FRAS1: variants seen among roughly 807,000 people sequenced by gnomAD.
FRAS1 encodes the protein extracellular matrix organizing protein FRAS1.
In FRAS1, 290 loss-of-function variants were observed where a neutral mutation model predicts 435.2. That is an observed-to-expected ratio of 0.67 (90% confidence interval 0.61 to 0.73). The LOEUF (loss-of-function observed/expected upper bound fraction) is 0.73. Among genes scored for constraint, FRAS1 ranks in the 30% least tolerant of loss-of-function variants. The pLI, the probability that FRAS1 is intolerant of heterozygous loss-of-function variation, is 0.00. For missense variants in FRAS1, 4,860 were observed against 5,001.5 expected, an observed-to-expected ratio of 0.97 and a Z score of 0.85; for synonymous variants, 1,800 against 1,851.0, an observed-to-expected ratio of 0.97 and a Z score of 0.71.
At chr4:78,218,639 T>C (rs1263882711) in intron 2 of FRAS1, among the ~76,000 whole-genome samples, 1 of 152,210 alleles carries the variant, frequency 6.6e-6, no homozygotes, top group African/African-American at 2.4e-5. Context: ...ATTCTGGCCC[T>C]ACTCTTGAGA....
chr4:78,490,744 C>T (rs1218458411), intron 59 of FRAS1, among the ~76,000 whole-genome samples: 2 of 151,950 alleles, frequency 1.3e-5, no homozygotes, highest in Non-Finnish European at 2.9e-5. Flanking sequence ...ATTAAAAGAA[C>T]TAGAGAAGCA....
chr4:78,097,379 A>G (rs1287480363), intron 2 of FRAS1, among the ~76,000 whole-genome samples: 1 of 152,188 alleles, frequency 6.6e-6, no homozygotes, highest in Admixed American at 6.5e-5. Flanking sequence ...AGTCTCTTCC[A>G]CATTTTCAAG....
intron 4 of FRAS1, among the ~76,000 whole-genome samples, chr4:78,245,903 C>T (rs1426408632): frequency 6.6e-6 from 1 of 152,094 alleles, no homozygotes; most frequent in East Asian, 1.9e-4. Flanking sequence ...CTGGTCTTTT[C>T]CCACTAGATG....
intron 2 of FRAS1, among the ~76,000 whole-genome samples, chr4:78,222,827 T>C (rs1335535429): frequency 1.3e-5 from 2 of 152,210 alleles, no homozygotes; most frequent in Non-Finnish European, 2.9e-5. Context: ...ATTCAGCCAA[T>C]TGACTAGTAC....
At chr4:78,135,022 G>A (rs983360143) in intron 2 of FRAS1, among the ~76,000 whole-genome samples, 2 of 152,118 alleles carry the variant, frequency 1.3e-5, no homozygotes, top group African/African-American at 2.4e-5. Context: ...TGCTGGTAGG[G>A]TTTAATTGTA....
intron 2 of FRAS1, among the ~76,000 whole-genome samples, chr4:78,193,473 T>C (rs1246452861): frequency 1.3e-5 from 2 of 152,224 alleles, no homozygotes; most frequent in East Asian, 3.8e-4. Context: ...GGTTCATATA[T>C]ATTTAGGATA....
At chr4:78,291,391 T>C (rs891285509) in intron 14 of FRAS1, among the ~76,000 whole-genome samples, 1 of 152,100 alleles carries the variant, frequency 6.6e-6, no homozygotes, top group Non-Finnish European at 1.5e-5. Context: ...CAGTTCACAA[T>C]AGGGTTTGCA....
intron 9 of FRAS1, among the ~76,000 whole-genome samples, chr4:78,278,047 C>T (rs1560622776): frequency 6.6e-6 from 1 of 152,176 alleles, no homozygotes. Flanking sequence ...GATCCGCCCG[C>T]CTCGGCCTCC....
intron 2 of FRAS1, among the ~76,000 whole-genome samples, chr4:78,121,887 A>C (rs1216175685): frequency 6.6e-6 from 1 of 152,214 alleles, no homozygotes; most frequent in East Asian, 1.9e-4. Flanking sequence ...CCCAAAGGTA[A>C]AGACATTGAC....
intron 2 of FRAS1, among the ~76,000 whole-genome samples, chr4:78,151,111 T>C (rs1016724439): frequency 6.6e-6 from 1 of 152,210 alleles, no homozygotes; most frequent in Middle Eastern, 3.2e-3. Context: ...GATAGTTGGT[T>C]TTATGATTAA....
chr4:78,279,876 A>G (rs763251019), intron 10 of FRAS1, among the ~76,000 whole-genome samples: 1 of 152,180 alleles, frequency 6.6e-6, no homozygotes, highest in Non-Finnish European at 1.5e-5. Context: ...CCCCCAGTGG[A>G]TGCTTGAAAC....
chr4:78,491,089 C>T (rs1720336977), intron 59 of FRAS1, among the ~76,000 whole-genome samples: 1 of 152,122 alleles, frequency 6.6e-6, no homozygotes, highest in African/African-American at 2.4e-5. Context: ...CACATACGCC[C>T]TCTCAAGACT....
intron 2 of FRAS1, among the ~76,000 whole-genome samples, chr4:78,161,742 C>CAAAAAAAAAAAAAAAAA (rs71214399): frequency 5.2e-4 from 13 of 24,882 alleles, no homozygotes; most frequent in South Asian, 5.9e-3. Flanking sequence ...AACTCTGTCT[C>CAAAAAAAAAAAAAAAAA]AAAAAAAAAA....
At chr4:78,521,676 A>G in intron 68 of FRAS1, 46 bp downstream of exon 68, 1 of 1,140,314 alleles carries the variant, frequency 8.8e-7, no homozygotes. Context: ...ATTAAGAAAC[A>G]TTTCACACAT....
At chr4:78,098,569 C>T (rs576563306) in intron 2 of FRAS1, among the ~76,000 whole-genome samples, 4 of 152,136 alleles carry the variant, frequency 2.6e-5, no homozygotes, top group Non-Finnish European at 4.4e-5. Context: ...ACCACCGCTC[C>T]TGGCAGGATA....
intron 51 of FRAS1, among the ~76,000 whole-genome samples, chr4:78,470,755 G>C (rs1297796737): frequency 2.6e-5 from 4 of 152,162 alleles, no homozygotes; most frequent in African/African-American, 9.7e-5. Context: ...CATGGATTTT[G>C]TAATCCTCAG....
intron 10 of FRAS1, among the ~76,000 whole-genome samples, 184 bp downstream of exon 10, chr4:78,278,928 G>T (rs1727191685): frequency 6.6e-6 from 1 of 152,124 alleles, no homozygotes; most frequent in Admixed American, 6.5e-5. Context: ...CTGCTGTCTT[G>T]GTAGGGCATA....
rs1346759617 is a variant in FRAS1, at chr4:78,308,111, A to G, written c.1580A>G (p.His527Arg). The change falls in exon 15 of 74, where the codon CAC (histidine) becomes CGC (arginine). Residue 527 changes from histidine to arginine, a missense_variant. His to Arg is a conservative substitution (Grantham distance 29, BLOSUM62 0). Transcript: ENST00000512123. ...GGTTGCTGGGGCCCAACGGAGAAGC[A>G]CTGCTTGGCCTGCAGAGATCCCCTC... ...CAGCWGPTEKHCLACRDPLHV... is the reference protein window; with the variant it reads ...CAGCWGPTEKRCLACRDPLHV... The G allele has an allele frequency of 5.6e-6, 9 of 1,613,762 alleles. No individual in the cohort carries two copies. Among genetic ancestry groups the G allele is most frequent in the Non-Finnish European group, 6.8e-6 (8 of 1,179,824 alleles).
intron 29 of FRAS1, among the ~76,000 whole-genome samples, chr4:78,394,485 C>T (rs1293146696): frequency 6.6e-6 from 1 of 151,804 alleles, no homozygotes; most frequent in East Asian, 1.9e-4. Flanking sequence ...ATTTTATATT[C>T]TTTGCACTCT....
Sources: gnomAD v4.1 joint callset for allele counts (sites outside exome capture counted in the v4.1 genomes callset) on GRCh38, gnomAD v4.1.1 for gene constraint, MANE v1.5 for transcripts, NCBI Gene and HGNC (gene_info 2026-07-23, HGNC 2026-07-21) for gene names.